Variants in PARD3 observed in about 807,000 individuals in gnomAD.
The protein encoded by PARD3 is par-3 family cell polarity regulator.
A neutral mutation model predicts 155.4 loss-of-function variants in PARD3; 75 were observed. The ratio of observed to expected loss-of-function variants is 0.48; its 90% confidence interval spans 0.40 to 0.58. The LOEUF is 0.58. Ranked by LOEUF, PARD3 falls within the 20% of genes least tolerant of loss-of-function variation. PARD3 has a pLI of 0.00. For missense variants in PARD3, 1,642 were observed against 1,721.7 expected (o/e 0.95, Z 0.82); for synonymous variants, 576 against 610.5 (o/e 0.94, Z 0.83).
intron 1 of PARD3, among the ~76,000 whole-genome samples, chr10:34,741,884 A>G (rs1296441204): frequency 6.6e-6 from 1 of 152,248 alleles, no homozygotes; most frequent in Non-Finnish European, 1.5e-5. Flanking sequence ...TCACAGGATG[A>G]TTCCAGATTT....
intron 2 of PARD3, among the ~76,000 whole-genome samples, chr10:34,548,530 T>C (rs1042032339): frequency 6.6e-6 from 1 of 150,422 alleles, no homozygotes; most frequent in African/African-American, 2.5e-5. Context: ...TAAAATAGCG[T>C]GGTCACGTAT....
intron 22 of PARD3, among the ~76,000 whole-genome samples, chr10:34,223,080 G>A (rs1302957215): frequency 6.6e-6 from 1 of 152,178 alleles, no homozygotes; most frequent in Non-Finnish European, 1.5e-5. Flanking sequence ...AGAGAAGCAG[G>A]TTCTGAGAGA....
intron 2 of PARD3, among the ~76,000 whole-genome samples, chr10:34,596,909 G>C (rs1393909889): frequency 6.6e-6 from 1 of 152,148 alleles, no homozygotes; most frequent in Non-Finnish European, 1.5e-5. Flanking sequence ...ACTAGTTTTA[G>C]GTACATCAAT....
At chr10:34,689,416 G>A (rs960131156) in intron 2 of PARD3, among the ~76,000 whole-genome samples, 2 of 152,230 alleles carry the variant, frequency 1.3e-5, no homozygotes, top group East Asian at 3.9e-4. Flanking sequence ...CTTATAATGG[G>A]CACTTTAATC....
chr10:34,124,024 TTTC>T (rs1947147092), intron 23 of PARD3, among the ~76,000 whole-genome samples: 1 of 152,206 alleles, frequency 6.6e-6, no homozygotes, highest in Non-Finnish European at 1.5e-5. Flanking sequence ...ATCTATCACT[TTTC>T]TTCTTATAGA....
chr10:34,147,363 G>C lies in PARD3; in HGVS notation c.3420-15780C>G, dbSNP rs182042831. Among the ~76,000 whole-genome samples the C allele has an allele frequency of 1.3e-3, 203 of 152,146 alleles. 1 individual carries two copies. Among genetic ancestry groups the C allele is most frequent in the African/African-American group, 4.8e-3 (198 of 41,538 alleles). On this transcript the variant is annotated intron_variant, in intron 22 of 24. Coordinates refer to ENST00000374788, the MANE Select transcript of PARD3 (RefSeq NM_001184785.2). ...TACATGATTTTAAAATTATACTGCA[G>C]CTGATTAAAATGAGAAAAATATATC...
chr10:34,506,364 T>C (rs1461320471), intron 3 of PARD3, among the ~76,000 whole-genome samples: 1 of 152,126 alleles, frequency 6.6e-6, no homozygotes, highest in Non-Finnish European at 1.5e-5. Context: ...AATTTCCAAA[T>C]GGTAAACATC....
intron 3 of PARD3, among the ~76,000 whole-genome samples, chr10:34,475,279 G>A (rs1351293003): frequency 6.6e-6 from 1 of 152,166 alleles, no homozygotes; most frequent in Non-Finnish European, 1.5e-5. Flanking sequence ...ACATTTAGTG[G>A]AAAGAGCAGC....
intron 2 of PARD3, among the ~76,000 whole-genome samples, chr10:34,638,571 C>T (rs1208710214): frequency 6.6e-6 from 1 of 152,210 alleles, no homozygotes; most frequent in Non-Finnish European, 1.5e-5. Context: ...CCCATTTCCT[C>T]TGGGAAGTGC....
intron 1 of PARD3, among the ~76,000 whole-genome samples, chr10:34,698,572 C>T (rs1240879929): frequency 2.0e-5 from 3 of 152,174 alleles, no homozygotes; most frequent in African/African-American, 4.8e-5. Context: ...GAGACAGTCT[C>T]GCTCTGTCAT....
At chr10:34,211,654 C>T (rs1364538124) in intron 22 of PARD3, among the ~76,000 whole-genome samples, 1 of 152,068 alleles carries the variant, frequency 6.6e-6, no homozygotes, top group Non-Finnish European at 1.5e-5. Context: ...GTGGTGGGCG[C>T]CTGTAATCCC....
chr10:34,672,025 T>C (rs944490163), intron 2 of PARD3, among the ~76,000 whole-genome samples: 1 of 150,458 alleles, frequency 6.6e-6, no homozygotes, highest in Admixed American at 6.8e-5. Context: ...AAGTGAAAAA[T>C]TAGCCAGGTA....
intron 5 of PARD3, among the ~76,000 whole-genome samples, chr10:34,417,459 T>C (rs553838439): frequency 3.5e-4 from 54 of 152,328 alleles, no homozygotes; most frequent in African/African-American, 1.1e-3. Flanking sequence ...CCTTCACCTA[T>C]GAACCACCAA....
chr10:34,180,599 G>A (rs1234674954), intron 22 of PARD3, among the ~76,000 whole-genome samples: 1 of 152,098 alleles, frequency 6.6e-6, no homozygotes, highest in African/African-American at 2.4e-5. Context: ...GACTCATACT[G>A]TAGTAGAAAC....
At chr10:34,455,497 G>C (rs1242775571) in intron 4 of PARD3, among the ~76,000 whole-genome samples, 1 of 151,958 alleles carries the variant, frequency 6.6e-6, no homozygotes, top group Non-Finnish European at 1.5e-5. Context: ...TGATGGCTTA[G>C]AATGATTTTT....
At chr10:34,541,169 T>C (rs924933296) in intron 2 of PARD3, among the ~76,000 whole-genome samples, 6 of 152,222 alleles carry the variant, frequency 3.9e-5, no homozygotes, top group African/African-American at 7.2e-5. Context: ...ATGAGGCACA[T>C]GGAGGATGGT....
chr10:34,653,610 C>T (rs902636180), intron 2 of PARD3, among the ~76,000 whole-genome samples: 2 of 152,078 alleles, frequency 1.3e-5, no homozygotes, highest in African/African-American at 4.8e-5. Flanking sequence ...ACCAACATCA[C>T]ACTTTTATAT....
intron 2 of PARD3, among the ~76,000 whole-genome samples, chr10:34,538,075 A>G (rs74132055): frequency 3.9e-4 from 60 of 152,312 alleles, no homozygotes; most frequent in African/African-American, 1.4e-3. Context: ...ATATTGCACA[A>G]GACTGTGAAT....
chr10:34,135,340 C>T (rs1947837320), intron 22 of PARD3, among the ~76,000 whole-genome samples: 1 of 152,144 alleles, frequency 6.6e-6, no homozygotes, highest in African/African-American at 2.4e-5. Context: ...AGAGGGTTTG[C>T]TTTTGGTTCA....
Sources: allele counts gnomAD v4.1 joint callset (sites outside exome capture counted in the v4.1 genomes callset), GRCh38; gene constraint gnomAD v4.1.1; transcripts MANE v1.5; gene names NCBI Gene and HGNC (gene_info 2026-07-23, HGNC 2026-07-21).